The following ADAMTSL1 variants were observed in gnomAD, a reference collection of about 807,000 sequenced individuals.
The protein encoded by ADAMTSL1 is ADAMTS like 1.
Under a neutral mutation model 201.8 loss-of-function variants are expected in ADAMTSL1, and 126 were observed. That is an observed-to-expected ratio of 0.62 (90% CI 0.54 to 0.72). The LOEUF (loss-of-function observed/expected upper bound fraction) is 0.72, where lower values mean the gene tolerates loss of function less well. Ranked by LOEUF, ADAMTSL1 falls within the 30% of genes least tolerant of loss-of-function variation. The pLI is 0.00. For missense variants in ADAMTSL1, 2,679 were observed against 2,277.8 expected, an observed-to-expected ratio of 1.18 and a Z score of -3.59; for synonymous variants, 1,121 against 903.4, an observed-to-expected ratio of 1.24 and a Z score of -4.32.
chr9:18,564,891 T>C (rs1821777301), intron 3 of ADAMTSL1, among the ~76,000 whole-genome samples: 1 of 152,166 alleles, frequency 6.6e-6, no homozygotes, highest in South Asian at 2.1e-4. Context: ...AATTTAAGAC[T>C]CTAAAATGAC....
In ADAMTSL1 at chr9:18,442,637, A is replaced by C. The variant is rs144994277; in HGVS notation, c.208-62192A>C. On this transcript the variant is annotated intron_variant, in intron 2 of 29. Coordinates refer to the ADAMTSL1 transcript ENST00000680146. ...GCTAGATATTTGCTTTTATAGTCTCAGATGATATTGACTACAGGATTTCAC... is the reference window on the plus strand; with the variant it reads ...GCTAGATATTTGCTTTTATAGTCTCCGATGATATTGACTACAGGATTTCAC... 6.5e-3 allele frequency among the ~76,000 whole-genome samples: 994 copies of C among 152,362 alleles called. 14 individuals carry two copies. The highest frequency in any genetic ancestry group is 0.023 in the African/African-American group (950 of 41,586).
chr9:18,229,602 AAAAAAATTAGACTT>A (rs1299475098), intron 2 of ADAMTSL1, among the ~76,000 whole-genome samples: 2 of 152,130 alleles, frequency 1.3e-5, no homozygotes, highest in African/African-American at 4.8e-5. Flanking sequence ...TGGGACACTG[AAAAAAATTAGACTT>A]AAAAAAGCTA....
chr9:18,809,584 G>A (rs2131138910), intron 20 of ADAMTSL1, among the ~76,000 whole-genome samples: 1 of 152,320 alleles, frequency 6.6e-6, no homozygotes, highest in African/African-American at 2.4e-5. Flanking sequence ...GAGGTCAGGA[G>A]TTCGAGACCA....
intron 2 of ADAMTSL1, among the ~76,000 whole-genome samples, chr9:18,287,330 C>G (rs1833029195): frequency 6.6e-6 from 1 of 151,602 alleles, no homozygotes; most frequent in Non-Finnish European, 1.5e-5. Flanking sequence ...TATACACACA[C>G]ACACGTGTGT....
intron 1 of ADAMTSL1, among the ~76,000 whole-genome samples, chr9:18,106,264 A>G (rs1185241617): frequency 6.6e-6 from 1 of 152,188 alleles, no homozygotes; most frequent in Non-Finnish European, 1.5e-5. Flanking sequence ...TCATATGAAA[A>G]GACATTTGTT....
In ADAMTSL1 at chr9:17,940,712, CAAA is replaced by C. The variant is rs60466124; in HGVS notation, c.87+33803_87+33805del. 5.5e-3 allele frequency among the ~76,000 whole-genome samples: 488 copies of C among 88,660 alleles called. 2 individuals carry two copies. Among genetic ancestry groups the C allele is most frequent in the African/African-American group, 0.015 (334 of 22,564 alleles). The allele number at this position is 88,660 out of a possible 152,430, so 58.2% of individuals were successfully genotyped here. A position where few individuals can be genotyped will look rare whatever the true frequency, so the allele number is the denominator to read the frequency against. ...TTTTAGGGTACATGTGCATAACGTG[CAAA>C]AAAAAAAAAAAAGAAAAAAAAGAAA... is the stretch of plus-strand genomic sequence containing the variant. On this transcript the variant is annotated intron_variant, in intron 1 of 29. Coordinates refer to the ADAMTSL1 transcript ENST00000680146.
intron 2 of ADAMTSL1, among the ~76,000 whole-genome samples, chr9:18,240,580 A>G (rs1363140981): frequency 6.6e-6 from 1 of 152,192 alleles, no homozygotes; most frequent in Non-Finnish European, 1.5e-5. Flanking sequence ...TGTCCTTCGA[A>G]GCAAAGAACT....
In ADAMTSL1 at chr9:18,450,554, C is replaced by G. The variant is rs552223226; in HGVS notation, c.208-54275C>G. On this transcript the variant is annotated intron_variant, in intron 2 of 29. Coordinates refer to the ADAMTSL1 transcript ENST00000680146. ...ATATCTCTTTTTAATTCTAGGAACC[C>G]AGATTCATATATACATATATAGATA... Among the ~76,000 whole-genome samples, 10 of 151,612 alleles carry G rather than the reference C, an allele frequency of 6.6e-5. No homozygotes were observed. In the East Asian group the frequency reaches 1.9e-3, roughly 29 times the overall value.
chr9:17,953,807 A>T (rs1827825858), intron 1 of ADAMTSL1, among the ~76,000 whole-genome samples: 1 of 152,154 alleles, frequency 6.6e-6, no homozygotes, highest in African/African-American at 2.4e-5. Flanking sequence ...TAAACAGCTA[A>T]TTTTTTATGC....
At chr9:18,340,213 T>C (rs1835414908) in intron 2 of ADAMTSL1, among the ~76,000 whole-genome samples, 1 of 152,184 alleles carries the variant, frequency 6.6e-6, no homozygotes, top group South Asian at 2.1e-4. Context: ...GGCAGGTATC[T>C]TTTTCTTCAC....
At chr9:18,707,085 T>A (rs1450124708) in intron 14 of ADAMTSL1, 37 bp downstream of exon 14, 3 of 1,586,058 alleles carry the variant, frequency 1.9e-6, no homozygotes, top group Non-Finnish European at 1.7e-6. Flanking sequence ...CCCCGCCATC[T>A]TCTTGCTCAT....
At chr9:18,753,236 T>C (rs1819559856) in intron 15 of ADAMTSL1, 62 bp from the exon 16 acceptor site, 1 of 1,506,506 alleles carries the variant, frequency 6.6e-7, no homozygotes, top group Non-Finnish European at 9.1e-7. Flanking sequence ...TTTGAGTTCA[T>C]GGGAAACATT....
At chr9:18,473,309 A>C (rs995431792), upstream of ADAMTSL1, among the ~76,000 whole-genome samples, 4 of 152,184 alleles carry the variant, frequency 2.6e-5, no homozygotes, top group Non-Finnish European at 4.4e-5. Context: ...TTGGCAGTGC[A>C]TCAAAACCAG....
chr9:18,064,954 A>ATTTTTTTTTTTT (rs563021690), intron 1 of ADAMTSL1, among the ~76,000 whole-genome samples: 4 of 69,020 alleles, frequency 5.8e-5, no homozygotes, highest in African/African-American at 1.1e-4. Context: ...TTTGCTAAAG[A>ATTTTTTTTTTTT]TTTTTTTTTT....
chr9:18,381,918 G>T (rs1199044868), intron 2 of ADAMTSL1, among the ~76,000 whole-genome samples: 1 of 152,170 alleles, frequency 6.6e-6, no homozygotes, highest in African/African-American at 2.4e-5. Flanking sequence ...AAAGTGTAGT[G>T]GTTTTCGATG....
intron 7 of ADAMTSL1, among the ~76,000 whole-genome samples, chr9:18,643,483 T>A (rs1827577339): frequency 6.6e-6 from 1 of 151,962 alleles, no homozygotes; most frequent in South Asian, 2.1e-4. Context: ...ATTCAAAAAA[T>A]TGCCCAGACC....
intron 1 of ADAMTSL1, among the ~76,000 whole-genome samples, chr9:18,010,331 T>C (rs914845597): frequency 7.9e-5 from 12 of 151,958 alleles, no homozygotes; most frequent in Admixed American, 5.9e-4. Flanking sequence ...ACAGACATAA[T>C]CACTTACATG....
chr9:18,709,341 G>C (rs1008041481), intron 14 of ADAMTSL1, among the ~76,000 whole-genome samples: 3 of 152,056 alleles, frequency 2.0e-5, no homozygotes, highest in African/African-American at 7.2e-5. Flanking sequence ...TCACCCACAA[G>C]GTTATATATA....
intron 1 of ADAMTSL1, among the ~76,000 whole-genome samples, chr9:18,092,296 CAG>C (rs1291609351): frequency 7.2e-5 from 11 of 152,204 alleles, no homozygotes; most frequent in Admixed American, 6.5e-4. Flanking sequence ...ACAGGAGAGA[CAG>C]AGATTATCTC....
Sources: gnomAD v4.1 joint callset for allele counts (sites outside exome capture counted in the v4.1 genomes callset) on GRCh38, gnomAD v4.1.1 for gene constraint, MANE v1.5 for transcripts, NCBI Gene and HGNC (gene_info 2026-07-23, HGNC 2026-07-21) for gene names.